PLXNA2: variants seen among roughly 807,000 people sequenced by gnomAD.
PLXNA2 encodes plexin A2.
In PLXNA2, 91 loss-of-function variants were observed where a neutral mutation model predicts 193.5. That is an observed-to-expected ratio of 0.47 (90% CI 0.40 to 0.56). The LOEUF (loss-of-function observed/expected upper bound fraction) is 0.56, where lower values mean the gene tolerates loss of function less well. PLXNA2 is among the 20% of genes least tolerant of loss of function. The pLI is 0.00. For missense variants in PLXNA2, 1,995 were observed against 2,503.2 expected, an observed-to-expected ratio of 0.80 and a Z score of 4.33; for synonymous variants, 997 against 1,027.3, an observed-to-expected ratio of 0.97 and a Z score of 0.56.
Position 208,094,688 on chromosome 1 carries a change from C to T in PLXNA2, c.1982+1341G>A, listed in dbSNP as rs535045836. 8.5e-5 allele frequency among the ~76,000 whole-genome samples: 13 copies of T among 152,282 alleles called. No homozygotes were observed. The South Asian group carries it at 2.7e-3, about 32-fold the overall frequency. Reference sequence around the variant, plus strand: ...GGTTAGAGGGCAGCTTTGTCTATTTCAACTTCAGTCCCTTTCTGCCCTCCC... The same window carrying T: ...GGTTAGAGGGCAGCTTTGTCTATTTTAACTTCAGTCCCTTTCTGCCCTCCC... On this transcript the variant is annotated intron_variant, in intron 8 of 31. Coordinates refer to ENST00000367033, the MANE Select transcript of PLXNA2 (RefSeq NM_025179.4).
At chr1:208,135,620 G>A (rs1668278191) in intron 4 of PLXNA2, among the ~76,000 whole-genome samples, 1 of 152,190 alleles carries the variant, frequency 6.6e-6, no homozygotes, top group Non-Finnish European at 1.5e-5. Context: ...TTCCCCACAT[G>A]TTTGAAGAAA....
intron 3 of PLXNA2, among the ~76,000 whole-genome samples, chr1:208,202,505 C>T (rs2102585598): frequency 6.6e-6 from 1 of 152,188 alleles, no homozygotes. Flanking sequence ...TCTCCAAAGC[C>T]CCTATACTCT....
chr1:208,143,890 T>C (rs1338273884), intron 3 of PLXNA2, among the ~76,000 whole-genome samples: 2 of 152,202 alleles, frequency 1.3e-5, no homozygotes, highest in Non-Finnish European at 2.9e-5. Context: ...ATCTTTTCTA[T>C]TTATCTTATA....
chr1:208,079,128 C>A, intron 12 of PLXNA2, 132 bp downstream of exon 12: 1 of 746,168 alleles, frequency 1.3e-6, no homozygotes, highest in Non-Finnish European at 2.2e-6. Flanking sequence ...GAGAGGTTTC[C>A]TACACCCCCC....
chr1:208,130,394 T>A (rs1668109873), intron 4 of PLXNA2, among the ~76,000 whole-genome samples: 1 of 151,596 alleles, frequency 6.6e-6, no homozygotes. Flanking sequence ...ACACTAACAC[T>A]AACATAGTGT....
At chr1:208,058,795 G>A (rs1487664423) in intron 13 of PLXNA2, among the ~76,000 whole-genome samples, 1 of 152,204 alleles carries the variant, frequency 6.6e-6, no homozygotes. Context: ...TGGGGTGAGT[G>A]CAGTACATTT....
intron 3 of PLXNA2, among the ~76,000 whole-genome samples, chr1:208,174,484 C>T (rs1472174645): frequency 6.6e-6 from 1 of 151,986 alleles, no homozygotes; most frequent in Non-Finnish European, 1.5e-5. Flanking sequence ...TGGTCATCAG[C>T]CAGATGTGGA....
intron 4 of PLXNA2, among the ~76,000 whole-genome samples, chr1:208,121,358 A>C (rs776946826): frequency 6.6e-6 from 1 of 152,148 alleles, no homozygotes; most frequent in Non-Finnish European, 1.5e-5. Flanking sequence ...TTAGGTTTCC[A>C]CTCAAGAATT....
chr1:208,106,098 A>C (rs1667263760), intron 4 of PLXNA2, among the ~76,000 whole-genome samples: 3 of 148,004 alleles, frequency 2.0e-5, no homozygotes, highest in Non-Finnish European at 4.4e-5. Flanking sequence ...CACTGAGTTG[A>C]AGAGCAAAGT....
intron 1 of PLXNA2, among the ~76,000 whole-genome samples, chr1:208,228,079 A>G (rs1271460191): frequency 6.6e-6 from 1 of 152,190 alleles, no homozygotes; most frequent in Non-Finnish European, 1.5e-5. Context: ...CTAAAATCCC[A>G]CTTACTCTCC....
intron 3 of PLXNA2, among the ~76,000 whole-genome samples, chr1:208,148,158 C>T (rs1668654447): frequency 6.6e-6 from 1 of 152,188 alleles, no homozygotes; most frequent in Non-Finnish European, 1.5e-5. Context: ...TACCTGCAGC[C>T]CCCTCTAAAC....
chr1:208,111,333 T>G (rs542272357), intron 4 of PLXNA2, among the ~76,000 whole-genome samples: 1 of 152,086 alleles, frequency 6.6e-6, no homozygotes, highest in African/African-American at 2.4e-5. Flanking sequence ...TCCTAAAATG[T>G]TGGGATTACA....
intron 1 of PLXNA2, among the ~76,000 whole-genome samples, chr1:208,234,830 G>A (rs1178724045): frequency 2.0e-5 from 3 of 152,134 alleles, no homozygotes; most frequent in Admixed American, 6.5e-5. Context: ...GGCGGGTGAC[G>A]CTGGGGCAAA....
chr1:208,120,942 T>C (rs537523094), intron 4 of PLXNA2, among the ~76,000 whole-genome samples: 2 of 152,142 alleles, frequency 1.3e-5, no homozygotes, highest in South Asian at 2.1e-4. Flanking sequence ...GAAAACGCCA[T>C]AAACCAAAGC....
chr1:208,202,486 G>A (rs746975335), intron 3 of PLXNA2, among the ~76,000 whole-genome samples: 1 of 152,082 alleles, frequency 6.6e-6, no homozygotes, highest in Non-Finnish European at 1.5e-5. Context: ...ATGGAGTCAG[G>A]ACTGGATCTC....
intron 9 of PLXNA2, among the ~76,000 whole-genome samples, chr1:208,090,098 C>A (rs1253974910): frequency 6.6e-6 from 1 of 152,182 alleles, no homozygotes; most frequent in Non-Finnish European, 1.5e-5. Context: ...GCCCTGGCAA[C>A]CTCGCTGGGA....
intron 1 of PLXNA2, among the ~76,000 whole-genome samples, chr1:208,234,176 G>C (rs182908511): frequency 3.9e-5 from 6 of 152,202 alleles, no homozygotes; most frequent in African/African-American, 1.4e-4. Context: ...CAATTGGAGG[G>C]CAGTGAATGG....
At chr1:208,227,831 C>T (rs1056853292) in intron 1 of PLXNA2, among the ~76,000 whole-genome samples, 6 of 152,164 alleles carry the variant, frequency 3.9e-5, no homozygotes, top group African/African-American at 2.4e-5. Flanking sequence ...AGGGACTCTT[C>T]GAGGTTGAGA....
chr1:208,141,538 TGACAA>T, intron 4 of PLXNA2, among the ~76,000 whole-genome samples: 1 of 152,190 alleles, frequency 6.6e-6, no homozygotes, highest in East Asian at 1.9e-4. Flanking sequence ...TTAAGAAAAA[TGACAA>T]GACCCCTGCT....
Sources: gnomAD v4.1 joint callset for allele counts (sites outside exome capture counted in the v4.1 genomes callset) on GRCh38, gnomAD v4.1.1 for gene constraint, MANE v1.5 for transcripts, NCBI Gene and HGNC (gene_info 2026-07-23, HGNC 2026-07-21) for gene names.